Variants in TBC1D19 observed in about 807,000 individuals in gnomAD.
TBC1D19 encodes TBC1 domain family, member 19.
In TBC1D19, 60 loss-of-function variants were observed where a neutral mutation model predicts 89.0. The observed-to-expected ratio is 0.67, with a 90% confidence interval of 0.55 to 0.84. The LOEUF is 0.84. Among genes scored for constraint, TBC1D19 ranks in the 40% least tolerant of loss-of-function variants. The pLI, the probability that TBC1D19 is intolerant of heterozygous loss-of-function variation, is 0.00. For missense variants in TBC1D19, 500 were observed against 610.8 expected (o/e 0.82, Z 1.91); for synonymous variants, 189 against 199.7 (o/e 0.95, Z 0.45).
At chr4:26,597,985 A>G (rs1740338700) in intron 1 of TBC1D19, among the ~76,000 whole-genome samples, 1 of 152,200 alleles carries the variant, frequency 6.6e-6, no homozygotes, top group Admixed American at 6.5e-5. Flanking sequence ...ATATAATGCT[A>G]GAACTTAGAA....
intron 8 of TBC1D19, among the ~76,000 whole-genome samples, chr4:26,663,552 G>A (rs1391066359): frequency 2.0e-5 from 3 of 152,208 alleles, no homozygotes; most frequent in Non-Finnish European, 4.4e-5. Flanking sequence ...ATGTGTGAAT[G>A]AGACTACTAT....
At chr4:26,780,394 T>C in the TBC1D19 span, among the ~76,000 whole-genome samples, 1 of 152,196 alleles carries the variant, frequency 6.6e-6, no homozygotes, top group Non-Finnish European at 1.5e-5. Flanking sequence ...ACTCTTTAAT[T>C]TCCTTACAGT....
the TBC1D19 span, among the ~76,000 whole-genome samples, chr4:26,777,892 G>A: frequency 2.4e-3 from 370 of 152,020 alleles, 4 homozygotes; most frequent in Non-Finnish European, 4.1e-3. Flanking sequence ...ACTAGCCTGG[G>A]AAACATAATA....
chr4:26,780,221 C>G, the TBC1D19 span, among the ~76,000 whole-genome samples: 7 of 152,224 alleles, frequency 4.6e-5, no homozygotes, highest in Non-Finnish European at 5.9e-5. Context: ...TTCTTAAAAT[C>G]TGTTTCTAAA....
At chr4:26,736,094 C>T (rs1718028617) in intron 16 of TBC1D19, among the ~76,000 whole-genome samples, 1 of 130,024 alleles carries the variant, frequency 7.7e-6, no homozygotes, top group African/African-American at 2.7e-5. Flanking sequence ...GACACATGCA[C>T]ATGTATGTTT....
At chr4:26,721,973 AG>A (rs1419656058) in intron 15 of TBC1D19, among the ~76,000 whole-genome samples, 2 of 152,090 alleles carry the variant, frequency 1.3e-5, no homozygotes, top group East Asian at 3.9e-4. Flanking sequence ...GGTTAGGCTA[AG>A]GGCCCTTCCT....
At chr4:26,731,157 G>A (rs1422419981) in intron 15 of TBC1D19, among the ~76,000 whole-genome samples, 2 of 152,192 alleles carry the variant, frequency 1.3e-5, no homozygotes, top group East Asian at 3.8e-4. Flanking sequence ...CAAATCAACT[G>A]AAAGAAGAGG....
chr4:26,836,423 G>A, the TBC1D19 span, among the ~76,000 whole-genome samples: 4 of 152,184 alleles, frequency 2.6e-5, no homozygotes, highest in Non-Finnish European at 5.9e-5. Flanking sequence ...TGTTGGAGGG[G>A]CAGAGGGAGG....
the TBC1D19 span, among the ~76,000 whole-genome samples, chr4:26,833,271 A>G: frequency 6.6e-6 from 1 of 152,220 alleles, no homozygotes; most frequent in Non-Finnish European, 1.5e-5. Context: ...ATGCATACAC[A>G]AGAATCAGCA....
At chr4:26,584,045 G>T (rs774844195), upstream of TBC1D19, 40 of 720,276 alleles carry the variant, frequency 5.6e-5, no homozygotes, top group Non-Finnish European at 7.2e-5. Context: ...CGGACACAAG[G>T]CTCGGCAGTT....
At chr4:26,649,315 C>T (rs1744171833) in intron 7 of TBC1D19, among the ~76,000 whole-genome samples, 1 of 152,130 alleles carries the variant, frequency 6.6e-6, no homozygotes, top group South Asian at 2.1e-4. Context: ...ATCTCCTCCA[C>T]TAGATTCTTT....
At chr4:26,703,319 G>A (rs896260418) in intron 13 of TBC1D19, among the ~76,000 whole-genome samples, 1 of 152,136 alleles carries the variant, frequency 6.6e-6, no homozygotes, top group Non-Finnish European at 1.5e-5. Context: ...GTATGTAATT[G>A]TATGCATTGT....
intron 13 of TBC1D19, among the ~76,000 whole-genome samples, chr4:26,697,523 T>G (rs1445196906): frequency 1.3e-5 from 2 of 152,144 alleles, no homozygotes; most frequent in Admixed American, 6.5e-5. Flanking sequence ...GAGGCCAGCA[T>G]CATCCTGATA....
At chr4:26,696,356 A>T (rs1714779915) in intron 13 of TBC1D19, among the ~76,000 whole-genome samples, 3 of 152,210 alleles carry the variant, frequency 2.0e-5, no homozygotes, top group Admixed American at 2.0e-4. Flanking sequence ...AGATTCATAA[A>T]GCAAGTCCTT....
At chr4:26,577,598 A>G (rs1295518801) in intron 1 of TBC1D19, among the ~76,000 whole-genome samples, 1 of 152,246 alleles carries the variant, frequency 6.6e-6, no homozygotes, top group African/African-American at 2.4e-5. Flanking sequence ...TGCTAAAATA[A>G]GAATTTGAGT....
intron 13 of TBC1D19, among the ~76,000 whole-genome samples, chr4:26,695,883 G>T (rs190971219): frequency 0.015 from 2,291 of 152,174 alleles, 55 homozygotes; most frequent in African/African-American, 0.051. Flanking sequence ...AGGAACAAGC[G>T]GTACCAGCCA....
chr4:26,671,735 G>C (rs1419792486), intron 9 of TBC1D19, among the ~76,000 whole-genome samples: 2 of 151,730 alleles, frequency 1.3e-5, no homozygotes, highest in Non-Finnish European at 3.0e-5. Context: ...CTGTCAATAA[G>C]TTTTGTTTTT....
intron 4 of TBC1D19, among the ~76,000 whole-genome samples, chr4:26,631,032 A>G (rs1429324058): frequency 6.6e-6 from 1 of 152,012 alleles, no homozygotes; most frequent in Non-Finnish European, 1.5e-5. Context: ...TTGACCATCC[A>G]AGATTTCAAT....
At chr4:26,685,307 T>C (rs1713713446) in intron 12 of TBC1D19, among the ~76,000 whole-genome samples, 1 of 152,144 alleles carries the variant, frequency 6.6e-6, no homozygotes, top group South Asian at 2.1e-4. Flanking sequence ...TTTTTAATGT[T>C]CTTAAAAAGC....
Sources: gnomAD v4.1 joint callset for allele counts (sites outside exome capture counted in the v4.1 genomes callset) on GRCh38, gnomAD v4.1.1 for gene constraint, MANE v1.5 for transcripts, NCBI Gene and HGNC (gene_info 2026-07-23, HGNC 2026-07-21) for gene names.